Variants in PLCL2 observed in about 807,000 individuals in gnomAD.
The protein encoded by PLCL2 is phospholipase C like 2.
PLCL2 carries 4 observed loss-of-function variants against 79.6 expected under a neutral mutation model. The ratio of observed to expected loss-of-function variants is 0.05; its 90% CI spans 0.02 to 0.11. The LOEUF (loss-of-function observed/expected upper bound fraction) is 0.11. PLCL2 is among the 10% of genes least tolerant of loss of function. The probability of loss-of-function intolerance (pLI) is 1.00; values close to 1 mark genes in which losing one functional copy is unlikely to be tolerated. For missense variants in PLCL2, 895 were observed against 1,291.0 expected (o/e 0.69, Z 4.70); for synonymous variants, 484 against 457.7 (o/e 1.06, Z -0.73).
At chr3:16,901,275 T>C (rs1218382986) in intron 1 of PLCL2, among the ~76,000 whole-genome samples, 2 of 152,194 alleles carry the variant, frequency 1.3e-5, no homozygotes, top group South Asian at 2.1e-4. Flanking sequence ...TCCTGAGATA[T>C]TAAAGACTCT....
chr3:17,059,100 C>G (rs959228466), intron 4 of PLCL2, among the ~76,000 whole-genome samples: 5 of 152,080 alleles, frequency 3.3e-5, no homozygotes, highest in Non-Finnish European at 7.4e-5. Context: ...TAGGGAAAGT[C>G]ATATGTGCAA....
Position 17,020,650 on chromosome 3 carries a change from G to T in PLCL2, c.3018+5739G>T, listed in dbSNP as rs546565153. On this transcript the variant is annotated intron_variant, in intron 3 of 5. Coordinates refer to ENST00000615277, the MANE Select transcript of PLCL2 (RefSeq NM_001144382.2). ...GAATCCATTTCCCCAGTAGAAAATA[G>T]TACTTTTTAAAGGGAAGAACAAGAT... Among the ~76,000 whole-genome samples, 6 of 152,174 alleles carry T rather than the reference G, an allele frequency of 3.9e-5. No individual in the cohort carries two copies. The South Asian group carries it at 1.2e-3, about 32-fold the overall frequency.
chr3:16,941,959 C>T (rs561291408), intron 1 of PLCL2, among the ~76,000 whole-genome samples: 43 of 152,044 alleles, frequency 2.8e-4, no homozygotes, highest in African/African-American at 9.6e-4. Flanking sequence ...CCTTAAGAAC[C>T]GGGACCATTC....
chr3:17,015,228 C>T (rs1202874588), intron 3 of PLCL2, among the ~76,000 whole-genome samples: 4 of 152,160 alleles, frequency 2.6e-5, no homozygotes, highest in Non-Finnish European at 4.4e-5. Context: ...AAAATCTTCT[C>T]CTGCAGCCAG....
chr3:16,990,831 A>T lies in PLCL2; in HGVS notation c.328-18843A>T, dbSNP rs551370083. 1.4e-3 allele frequency among the ~76,000 whole-genome samples: 216 copies of T among 152,342 alleles called. 1 individual carries two copies. The highest frequency in any genetic ancestry group is 5.1e-3 in the African/African-American group (210 of 41,580). ...TCCAACTGGAAAAAGAACATTTAAA[A>T]TAGAGATAATTTAATATAAGGAATT... On this transcript the variant is annotated intron_variant, in intron 1 of 5. Coordinates refer to ENST00000615277, the MANE Select transcript of PLCL2 (RefSeq NM_001144382.2).
chr3:16,923,213 G>C (rs960509036), intron 1 of PLCL2, among the ~76,000 whole-genome samples: 1 of 152,210 alleles, frequency 6.6e-6, no homozygotes, highest in Non-Finnish European at 1.5e-5. Flanking sequence ...GGATAAGGGA[G>C]AGCTCAGTCC....
At chr3:16,992,490 A>C (rs1389627828) in intron 1 of PLCL2, among the ~76,000 whole-genome samples, 1 of 152,160 alleles carries the variant, frequency 6.6e-6, no homozygotes, top group East Asian at 1.9e-4. Flanking sequence ...TGTGGGCTAT[A>C]CAGGCATTGT....
chr3:17,075,545 T>TAAAAA (rs61190858), intron 5 of PLCL2, among the ~76,000 whole-genome samples: 28 of 129,740 alleles, frequency 2.2e-4, no homozygotes, highest in African/African-American at 8.0e-4. Context: ...CTTCAATGTG[T>TAAAAA]AAAAAAAAAA....
chr3:17,075,606 G>A (rs907458607), intron 5 of PLCL2, among the ~76,000 whole-genome samples: 3 of 151,228 alleles, frequency 2.0e-5, no homozygotes, highest in Non-Finnish European at 4.4e-5. Flanking sequence ...TATGTCTGGA[G>A]TCATGCAACC....
chr3:17,049,317 G>A (rs995932923), intron 4 of PLCL2, among the ~76,000 whole-genome samples: 2 of 152,264 alleles, frequency 1.3e-5, no homozygotes, highest in East Asian at 1.9e-4. Context: ...GGTAATAGGC[G>A]AAGCAGCTTC....
chr3:17,052,966 T>C (rs1427181641), intron 4 of PLCL2, among the ~76,000 whole-genome samples: 1 of 152,178 alleles, frequency 6.6e-6, no homozygotes, highest in Admixed American at 6.5e-5. Context: ...TAGTAAACTT[T>C]TTGGGGAGTC....
chr3:17,063,408 G>A (rs1437315200), intron 4 of PLCL2, among the ~76,000 whole-genome samples: 6 of 145,514 alleles, frequency 4.1e-5, no homozygotes, highest in South Asian at 2.3e-4. Context: ...CATGGACTTC[G>A]CATCTCTCAG....
At chr3:16,983,327 G>A (rs2064018846) in intron 1 of PLCL2, among the ~76,000 whole-genome samples, 1 of 152,172 alleles carries the variant, frequency 6.6e-6, no homozygotes, top group South Asian at 2.1e-4. Context: ...ACTCTTGTGG[G>A]AATAAAGTCA....
chr3:17,011,223 A>T lies in PLCL2; in HGVS notation c.1877A>T (p.Lys626Ile). 6.2e-7 allele frequency: 1 copy of T among 1,614,174 alleles called. No individual in the cohort carries two copies. Among genetic ancestry groups the T allele is most frequent in the Non-Finnish European group, 8.5e-7 (1 of 1,179,984 alleles). ...KELSELVSIC[K>I]SVQFKEFQVS... ...CTGTCTGAACTGGTCAGCATCTGCA[A>T]ATCAGTTCAGTTCAAAGAATTTCAG... Residue 626 changes from lysine (K) to isoleucine (I), a missense_variant, in exon 2 of 6, where the codon AAA becomes ATA. Coordinates refer to ENST00000615277, the MANE Select transcript of PLCL2 (RefSeq NM_001144382.2). This position sits in a 1 kb window ranked among gnomAD's most constrained non-coding sequence, Gnocchi z 7.9.
intron 1 of PLCL2, among the ~76,000 whole-genome samples, chr3:16,997,055 A>C (rs1412423724): frequency 6.6e-6 from 1 of 152,228 alleles, no homozygotes; most frequent in African/African-American, 2.4e-5. Context: ...TGCTTCTTTT[A>C]AAAACACATA....
chr3:17,003,885 T>C (rs1476742489), intron 1 of PLCL2, among the ~76,000 whole-genome samples: 2 of 152,148 alleles, frequency 1.3e-5, no homozygotes, highest in African/African-American at 4.8e-5. Context: ...ACCCCCAGTT[T>C]TTCTCAGGAG....
At chr3:16,986,593 G>A (rs552470061) in intron 1 of PLCL2, among the ~76,000 whole-genome samples, 2 of 152,106 alleles carry the variant, frequency 1.3e-5, no homozygotes, top group East Asian at 3.9e-4. Context: ...AGTAGGGATG[G>A]GGTTTCACCG....
intron 3 of PLCL2, among the ~76,000 whole-genome samples, chr3:17,022,508 GA>G (rs1272357336): frequency 6.6e-6 from 1 of 152,034 alleles, no homozygotes; most frequent in Admixed American, 6.6e-5. Context: ...TTAAAAAAAA[GA>G]AAGAAAGAAA....
At chr3:16,890,943 T>C (rs1696332068) in intron 1 of PLCL2, among the ~76,000 whole-genome samples, 1 of 152,242 alleles carries the variant, frequency 6.6e-6, no homozygotes, top group African/African-American at 2.4e-5. Flanking sequence ...TCCAGCCTTC[T>C]GGCAGGACAC....
Sources: gnomAD v4.1 joint callset for allele counts (sites outside exome capture counted in the v4.1 genomes callset) on GRCh38, gnomAD v4.1.1 for gene constraint, Gnocchi (gnomAD v3.1) non-coding constraint, MANE v1.5 for transcripts, NCBI Gene and HGNC (gene_info 2026-07-23, HGNC 2026-07-21) for gene names.